Variants in LGALS14 observed in about 807,000 individuals in gnomAD.
LGALS14 encodes the protein placental protein 13-like.
LGALS14 carries 14 observed loss-of-function variants against 14.6 expected under a neutral mutation model. The observed-to-expected ratio is 0.96, with a 90% confidence interval of 0.64 to 1.50. The LOEUF (loss-of-function observed/expected upper bound fraction) is 1.50, where lower values mean the gene tolerates loss of function less well. LGALS14 is among the 40% of genes most tolerant of loss of function. LGALS14 has a pLI of 0.00. For missense variants in LGALS14, 180 were observed against 172.0 expected, an observed-to-expected ratio of 1.05 and a Z score of -0.26; for synonymous variants, 57 against 63.9, an observed-to-expected ratio of 0.89 and a Z score of 0.51.
At chr19:39,706,483 A>C in intron 1 of LGALS14, 114 bp from the exon 2 acceptor site, 3 of 734,614 alleles carry the variant, frequency 4.1e-6, no homozygotes, top group Non-Finnish European at 7.3e-6. Context: ...GTGAAAGGGG[A>C]GAGGCCTCAG....
rs1164827225 is a variant in LGALS14 at position 39,706,450 on chromosome 19, T to A, written c.16-147T>A. 7 of 650,582 alleles carry A rather than the reference T, an allele frequency of 1.1e-5. No homozygotes were observed. In the East Asian group the frequency reaches 1.8e-4, roughly 17 times the overall value. The allele number at this position is 650,582 out of a possible 1,614,324, so 40.3% of individuals were successfully genotyped here. On this transcript the variant is annotated intron_variant, in intron 1 of 3. Coordinates refer to ENST00000392052, the MANE Select transcript of LGALS14 (RefSeq NM_020129.3). ...TATGGATCCACCATATCTTCAGGAA[T>A]ATGGGGCCCTGACTGTGGTAGGGTG...
At chr19:39,706,072 CA>C in intron 1 of LGALS14, 2 of 1,600,434 alleles carry the variant, frequency 1.2e-6, no homozygotes, top group Non-Finnish European at 1.7e-6. Context: ...TCTCTTTCAA[CA>C]AGTGTTGTTT....
At chr19:39,707,030 C>T (rs1368620292) in intron 2 of LGALS14, 148 bp from the exon 3 acceptor site, 4 of 672,290 alleles carry the variant, frequency 5.9e-6, no homozygotes, top group Non-Finnish European at 5.3e-6. Flanking sequence ...GCATGAGGAG[C>T]TAAAGCGTCC....
chr19:39,709,036 C>T (rs182616755), intron 3 of LGALS14, among the ~76,000 whole-genome samples, 161 bp from the exon 4 acceptor site: 44 of 152,204 alleles, frequency 2.9e-4, no homozygotes, highest in East Asian at 7.7e-4. Context: ...CAAATAGGCA[C>T]GAAACATAGC....
rs1315519985 is a variant in LGALS14, at chr19:39,706,647, C to T, written c.66C>T (p.Ile22=). ...VSLPVGSCVI[I]TGTPILTFVK... ...TGCCTGTTGGTTCGTGCGTGATAATCACAGGGACACCGATCCTCACTTTTG... is the reference window on the plus strand; with the variant it reads ...TGCCTGTTGGTTCGTGCGTGATAATTACAGGGACACCGATCCTCACTTTTG... Residue 22 remains isoleucine (I), a synonymous_variant, in exon 2 of 4, where the codon ATC becomes ATT. Coordinates refer to ENST00000392052, the MANE Select transcript of LGALS14 (RefSeq NM_020129.3). The T allele has an allele frequency of 8.7e-6, 14 of 1,613,762 alleles. No individual in the cohort carries two copies. The highest frequency in any genetic ancestry group is 1.2e-5 in the Non-Finnish European group (14 of 1,179,760).
rs73557875 is a variant in LGALS14 at position 39,707,809 on chromosome 19, T to C, written c.303+421T>C. On this transcript the variant is annotated intron_variant, in intron 3 of 3. Transcript: ENST00000392052. Reference sequence around the variant, plus strand: ...TCTGCTCTTCTTCAGAAAGAAACTTTTTATTTTTTTATTTTTTTGAGACAG... The same window carrying C: ...TCTGCTCTTCTTCAGAAAGAAACTTCTTATTTTTTTATTTTTTTGAGACAG... Among the ~76,000 whole-genome samples the C allele has an allele frequency of 4.6e-3, 708 of 152,294 alleles. 7 individuals carry two copies. Among genetic ancestry groups the C allele is most frequent in the African/African-American group, 0.016 (662 of 41,554 alleles).
In LGALS14 at chr19:39,705,304, T is replaced by A. The variant is rs1398091239; in HGVS notation, c.15+761T>A. Among the ~76,000 whole-genome samples the A allele has an allele frequency of 2.0e-5, 3 of 151,956 alleles. No individual in the cohort carries two copies. In the East Asian group the frequency reaches 5.8e-4, roughly 29 times the overall value. ...TTCCTCAGGTGGGGACTGCACAGAG[T>A]GATCACTGGCTTTTGCCTCCCAGGC... On this transcript the variant is annotated intron_variant, in intron 1 of 3. Coordinates refer to ENST00000392052, the MANE Select transcript of LGALS14 (RefSeq NM_020129.3).
intron 2 of LGALS14, among the ~76,000 whole-genome samples, chr19:39,706,908 T>C (rs1250167345): frequency 6.6e-6 from 1 of 152,178 alleles, no homozygotes; most frequent in Admixed American, 6.5e-5. Flanking sequence ...GTTGTGGCTC[T>C]TTATTAAAGG....
At chr19:39,705,699 T>C (rs976996581) in intron 1 of LGALS14, 1 of 507,400 alleles carries the variant, frequency 2.0e-6, no homozygotes. Flanking sequence ...AATATCTGAC[T>C]GGCAGAGTGG....
intron 3 of LGALS14, 33 bp from the exon 4 acceptor site, chr19:39,709,164 T>C (rs373102701): frequency 7.6e-7 from 1 of 1,321,064 alleles, no homozygotes; most frequent in African/African-American, 1.4e-5. Context: ...TTTGGTGGCA[T>C]GCTGTCTTTC....
At chr19:39,705,882 G>A (rs546948561) in intron 1 of LGALS14, 14 of 1,611,406 alleles carry the variant, frequency 8.7e-6, no homozygotes, top group Admixed American at 8.4e-5. Context: ...TGCAGTCGTC[G>A]TAGAAATCAA....
chr19:39,708,952 G>A (rs1210879839), intron 3 of LGALS14, among the ~76,000 whole-genome samples: 5 of 152,212 alleles, frequency 3.3e-5, no homozygotes, highest in African/African-American at 7.2e-5. Flanking sequence ...CCGAGTAAAC[G>A]GACTGTGTGA....
Position 39,704,560 on chromosome 19 carries a change from C to G in LGALS14, c.15+17C>G, listed in dbSNP as rs1973688498. 6.2e-7 allele frequency: 1 copy of G among 1,612,990 alleles called. No homozygotes were observed. Among genetic ancestry groups the G allele is most frequent in the Admixed American group, 1.7e-5 (1 of 59,974 alleles). ...TCACTACCCGTGAGTTGAAAAGTCA[C>G]AGCCTTCAATAATCTCAAGTCACAT... On this transcript the variant is annotated intron_variant, in intron 1 of 3. Transcript: ENST00000392052.
intron 3 of LGALS14, 97 bp from the exon 4 acceptor site, chr19:39,709,100 T>C: frequency 1.2e-6 from 1 of 803,030 alleles, no homozygotes; most frequent in East Asian, 2.4e-5. Context: ...CTAGGAGTTT[T>C]CATGGGGAAG....
intron 3 of LGALS14, 46 bp from the exon 4 acceptor site, chr19:39,709,151 C>G (rs780263644): frequency 8.3e-7 from 1 of 1,207,376 alleles, no homozygotes; most frequent in South Asian, 1.2e-5. Context: ...GGCTGAAAAC[C>G]TGTTTGGTGG....
chr19:39,709,151 C>A (rs780263644), intron 3 of LGALS14, 46 bp from the exon 4 acceptor site: 1 of 1,207,374 alleles, frequency 8.3e-7, no homozygotes, highest in African/African-American at 1.5e-5. Context: ...GGCTGAAAAC[C>A]TGTTTGGTGG....
chr19:39,706,806 T>C, intron 2 of LGALS14, 133 bp downstream of exon 2: 2 of 777,116 alleles, frequency 2.6e-6, no homozygotes, highest in Non-Finnish European at 4.5e-6. Flanking sequence ...GTGCAGGCCC[T>C]GGAGACCTTC....
intron 1 of LGALS14, chr19:39,706,031 A>AG: frequency 6.2e-7 from 1 of 1,612,286 alleles, no homozygotes; most frequent in Non-Finnish European, 8.5e-7. Context: ...TCCCACACAC[A>AG]GGGGTTTCCT....
chr19:39,708,362 T>C (rs1435199181), intron 3 of LGALS14, among the ~76,000 whole-genome samples: 1 of 152,218 alleles, frequency 6.6e-6, no homozygotes, highest in Non-Finnish European at 1.5e-5. Flanking sequence ...TAAAGTTGTT[T>C]CCAGTATTTT....
Sources: gnomAD v4.1 joint callset for allele counts (sites outside exome capture counted in the v4.1 genomes callset) on GRCh38, gnomAD v4.1.1 for gene constraint, MANE v1.5 for transcripts, NCBI Gene and HGNC (gene_info 2026-07-23, HGNC 2026-07-21) for gene names.